The following BRAT1 variants were observed in gnomAD, a reference collection of about 807,000 sequenced individuals.
BRAT1 encodes BRCA1 associated ATM activator 1.
BRAT1 carries 74 observed loss-of-function variants against 70.6 expected under a neutral mutation model. The ratio of observed to expected loss-of-function variants is 1.05; its 90% confidence interval spans 0.87 to 1.27. The LOEUF (loss-of-function observed/expected upper bound fraction) is 1.27. Among genes scored for constraint, BRAT1 ranks in the 50% most tolerant of loss-of-function variants. BRAT1 has a pLI of 0.00. For synonymous variants in BRAT1, 615 were observed against 517.1 expected (o/e 1.19, Z -2.57); for missense variants, 1,203 against 1,098.2 (o/e 1.10, Z -1.35).
chr7:2,539,937 GCTGT>G lies in BRAT1; in HGVS notation c.1396-53_1396-50del, dbSNP rs770888883. The G allele has an allele frequency of 2.0e-4, 270 of 1,329,340 alleles. 1 individual carries two copies. The highest frequency in any genetic ancestry group is 2.3e-4 in the Non-Finnish European group (232 of 987,608). 82.3% of individuals were successfully genotyped at this position (1,329,340 alleles called of 1,614,324 possible). On this transcript the variant is annotated intron_variant, in intron 10 of 13. Coordinates refer to ENST00000340611, the MANE Select transcript of BRAT1 (RefSeq NM_152743.4). ...AGGGCCACGGGAGACGGAGGGGCAG[GCTGT>G]CTGTCTGTCCCCCTCGCCTTCACCT...
chr7:2,539,313 C>A lies in BRAT1; in HGVS notation c.1636G>T (p.Val546Leu), dbSNP rs34656552. 3.3e-3 allele frequency: 5,369 copies of A among 1,611,718 alleles called. 182 individuals carry two copies. The African/African-American group carries it at 0.064, about 19-fold the overall frequency. The change falls in exon 13 of 14, where the codon GTG becomes TTG. Residue 546 changes from valine to leucine, a missense_variant. Val to Leu is a conservative substitution (Grantham distance 32). Coordinates refer to ENST00000340611, the MANE Select transcript of BRAT1 (RefSeq NM_152743.4). ...AGGAGCTGCAGGGCCAGCTGAGGCA[C>A]CTCTGAAGCCAAGAGTGCGCATCTG... is the stretch of plus-strand genomic sequence containing the variant. ...DFRCALLASE[V>L]PQLALQLLQD...
chr7:2,555,098 G>A (rs1400026732), intron 1 of BRAT1, among the ~76,000 whole-genome samples: 1 of 151,872 alleles, frequency 6.6e-6, no homozygotes, highest in African/African-American at 2.4e-5. Context: ...AGCCGGCGGG[G>A]GGGAGAGGGG....
intron 2 of BRAT1, among the ~76,000 whole-genome samples, chr7:2,551,109 A>G (rs1779970026): frequency 6.6e-6 from 1 of 151,734 alleles, no homozygotes; most frequent in Non-Finnish European, 1.5e-5. Flanking sequence ...GCATGGTGGC[A>G]TGCACCTTTA....
intron 1 of BRAT1, among the ~76,000 whole-genome samples, chr7:2,554,650 C>T (rs558143133): frequency 6.2e-4 from 95 of 152,338 alleles, no homozygotes; most frequent in African/African-American, 2.2e-3. Flanking sequence ...GCCCTGAGCG[C>T]TGGTGGCGGG....
At position 2,539,572 on chromosome 7, in the gene BRAT1, G is replaced by A; in HGVS notation, c.1569C>T (p.Phe523=). 6.3e-7 allele frequency: 1 copy of A among 1,578,064 alleles called. No individual in the cohort carries two copies. The highest frequency in any genetic ancestry group is 8.6e-7 in the Non-Finnish European group (1 of 1,161,184). The change falls in exon 12 of 14, where the codon TTC becomes TTT. Residue 523 remains phenylalanine, a synonymous_variant. Coordinates refer to ENST00000340611, the MANE Select transcript of BRAT1 (RefSeq NM_152743.4). ...CWEVRDSALE[F]LTQLSRHWGG... ...CCCAGTGCCTGCTCAGCTGGGTCAGGAACTCGAGGGCGGAGTCCCTCACCT... is the reference window on the plus strand; with the variant it reads ...CCCAGTGCCTGCTCAGCTGGGTCAGAAACTCGAGGGCGGAGTCCCTCACCT...
At position 2,539,261 on chromosome 7, in the gene BRAT1, G is replaced by T; in HGVS notation, c.1688C>A (p.Ala563Glu). Residue 563 changes from alanine (A) to glutamate (E), a missense_variant, in exon 13 of 14, where the codon GCG (alanine) becomes GAG (glutamate). Coordinates refer to ENST00000340611, the MANE Select transcript of BRAT1 (RefSeq NM_152743.4). ...LLQDPESYVR[A>E]SAVTAMGQLS... ...CTGCCCCATGGCGGTCACTGCACTCGCTCGGACATAACTCTCAGGGTCCTG... is the reference window on the plus strand; with the variant it reads ...CTGCCCCATGGCGGTCACTGCACTCTCTCGGACATAACTCTCAGGGTCCTG... 1.2e-6 allele frequency: 2 copies of T among 1,611,780 alleles called. No individual in the cohort carries two copies. The highest frequency in any genetic ancestry group is 1.7e-6 in the Non-Finnish European group (2 of 1,179,960).
chr7:2,550,510 G>A (rs1447292656), intron 2 of BRAT1, among the ~76,000 whole-genome samples: 445 of 63,400 alleles, frequency 7.0e-3, no homozygotes, highest in South Asian at 8.0e-3. Context: ...AAAAGAAAAA[G>A]AAAAAAATAA....
chr7:2,538,021 G>A lies in BRAT1; in HGVS notation c.*48C>T. 1 of 1,502,204 alleles carries A rather than the reference G, an allele frequency of 6.7e-7. No individual in the cohort carries two copies. Among genetic ancestry groups the A allele is most frequent in the Non-Finnish European group, 8.9e-7 (1 of 1,125,508 alleles). 93.1% of individuals were successfully genotyped at this position (1,502,204 alleles called of 1,614,324 possible). On this transcript the variant is annotated 3_prime_UTR_variant, in exon 14 of 14. Coordinates refer to ENST00000340611, the MANE Select transcript of BRAT1 (RefSeq NM_152743.4). ...TGGCAGTGTCCCACAGAAGGACATG[G>A]TGCTGCCTCCCTTGGTCCTGAGCCC...
In BRAT1 at chr7:2,538,264, C is replaced by G. The variant is rs554560289; in HGVS notation, c.2271G>C (p.Ala757=). 1.2e-5 allele frequency: 20 copies of G among 1,610,898 alleles called. No individual in the cohort carries two copies. The highest frequency in any genetic ancestry group is 2.2e-5 in the East Asian group (1 of 44,860). ...CCCCTGGGGGCTGGGCCTGCTCACC[C>G]GCCCGCCACCTCGGCAGGGTGGCCT... ...SAEATLPRWR[A]GEQAQPPGDQ... The change falls in exon 14 of 14, where the codon GCG becomes GCC. Residue 757 remains alanine (A), a synonymous_variant. Coordinates refer to ENST00000340611, the MANE Select transcript of BRAT1 (RefSeq NM_152743.4).
chr7:2,545,872 G>A (rs1003436621), intron 3 of BRAT1, among the ~76,000 whole-genome samples: 3 of 152,244 alleles, frequency 2.0e-5, no homozygotes, highest in African/African-American at 4.8e-5. Flanking sequence ...ACCTTGGAAA[G>A]TCTGTCCTGC....
rs1337771627 is a variant in BRAT1 at position 2,541,490 on chromosome 7, AG to A, written c.1135-7del. The A allele has an allele frequency of 3.3e-6, 5 of 1,528,040 alleles. No individual in the cohort carries two copies. The Admixed American group carries it at 8.3e-5, about 25-fold the overall frequency. The allele number at this position is 1,528,040 out of a possible 1,614,324, so 94.7% of individuals were successfully genotyped here. A position where few individuals can be genotyped will look rare whatever the true frequency, so the allele number is the denominator to read the frequency against. ...CACGGTGAAGGGCGCTGGGGCTGCG[AG>A]GAAGAGGGCCGTCAGCCAAGGTTGC... On this transcript the variant is annotated splice_polypyrimidine_tract_variant and splice_region_variant and intron_variant, in intron 8 of 13. Coordinates refer to ENST00000340611, the MANE Select transcript of BRAT1 (RefSeq NM_152743.4).
intron 3 of BRAT1, among the ~76,000 whole-genome samples, 199 bp from the exon 4 acceptor site, chr7:2,545,255 T>G (rs1211580563): frequency 6.8e-6 from 1 of 147,602 alleles, no homozygotes; most frequent in Non-Finnish European, 1.5e-5. Flanking sequence ...TCCCAGCTAC[T>G]AAGAAGGCTG....
chr7:2,555,200 A>G (rs1780333453), intron 1 of BRAT1, among the ~76,000 whole-genome samples: 1 of 151,898 alleles, frequency 6.6e-6, no homozygotes, highest in Non-Finnish European at 1.5e-5. Flanking sequence ...CGGGGTGGTC[A>G]GCGGCTCTGT....
Position 2,543,051 on chromosome 7 carries a change from C to T in BRAT1, c.923+153G>A, listed in dbSNP as rs141709433. The stretch of plus-strand genomic sequence containing the variant: ...TAAAGAACCTTCAGAAGCTGCCGCG[C>T]GCAACCCACGCACCACCCAGTCACA... On this transcript the variant is annotated intron_variant, in intron 6 of 13. Transcript: ENST00000340611. The surrounding 1 kb of genome is among the most constrained non-coding windows in gnomAD (Gnocchi z 5.5). 24 of 925,156 alleles carry T rather than the reference C, an allele frequency of 2.6e-5. No homozygotes were observed. Among genetic ancestry groups the T allele is most frequent in the African/African-American group, 3.4e-5 (2 of 58,612 alleles). The allele number at this position is 925,156 out of a possible 1,614,324, so 57.3% of individuals were successfully genotyped here. A position where few individuals can be genotyped will look rare whatever the true frequency, so the allele number is the denominator to read the frequency against.
At chr7:2,541,215 G>C in intron 9 of BRAT1, 83 bp downstream of exon 9, 2 of 1,457,546 alleles carry the variant, frequency 1.4e-6, no homozygotes, top group East Asian at 2.3e-5. Flanking sequence ...GAGAGGGACA[G>C]CAGTTCCCGG....
chr7:2,543,430 A>G lies in BRAT1; in HGVS notation c.804-107T>C. ...CGGCACTGGAGGCGCCCAGCCCAAGACAGGCCTTTCCCCATGAGGGTTCCA... is the reference window on the plus strand; with the variant it reads ...CGGCACTGGAGGCGCCCAGCCCAAGGCAGGCCTTTCCCCATGAGGGTTCCA... On this transcript the variant is annotated intron_variant, in intron 5 of 13. Coordinates refer to ENST00000340611, the MANE Select transcript of BRAT1 (RefSeq NM_152743.4). The surrounding 1 kb of genome is among the most constrained non-coding windows in gnomAD (Gnocchi z 5.5). The G allele has an allele frequency of 6.7e-7, 1 of 1,486,422 alleles. No homozygotes were observed. Among genetic ancestry groups the G allele is most frequent in the Non-Finnish European group, 8.9e-7 (1 of 1,120,764 alleles). The allele number at this position is 1,486,422 out of a possible 1,614,324, so 92.1% of individuals were successfully genotyped here.
At chr7:2,554,474 C>T (rs552314149) in intron 1 of BRAT1, 27 bp from the exon 2 acceptor site, 1 of 1,597,016 alleles carries the variant, frequency 6.3e-7, no homozygotes, top group African/African-American at 1.3e-5. Flanking sequence ...AGAGCCAAAC[C>T]TCAATGCCCA....
At chr7:2,547,743 GA>G (rs1172693720) in intron 2 of BRAT1, among the ~76,000 whole-genome samples, 3 of 152,140 alleles carry the variant, frequency 2.0e-5, no homozygotes, top group Non-Finnish European at 2.9e-5. Context: ...CAAAAATGCT[GA>G]AAAAATGTTC....
Position 2,541,844 on chromosome 7 carries a change from C to A in BRAT1, c.1016-8G>T. 1 of 1,611,840 alleles carries A rather than the reference C, an allele frequency of 6.2e-7. No individual in the cohort carries two copies. Among genetic ancestry groups the A allele is most frequent in the Non-Finnish European group, 8.5e-7 (1 of 1,179,342 alleles). On this transcript the variant is annotated splice_region_variant and splice_polypyrimidine_tract_variant and intron_variant, in intron 7 of 13. Coordinates refer to ENST00000340611, the MANE Select transcript of BRAT1 (RefSeq NM_152743.4). ...CCGTCCCGTCCAGCAAGCCTGGGGG[C>A]CAAGCCAGGAAGAGCTCCCTTAGAG...
Sources: allele counts gnomAD v4.1 joint callset (sites outside exome capture counted in the v4.1 genomes callset), GRCh38; gene constraint gnomAD v4.1.1; non-coding constraint Gnocchi (gnomAD v3.1); transcripts MANE v1.5; gene names NCBI Gene and HGNC (gene_info 2026-07-23, HGNC 2026-07-21).